The following CNTN4 variants were observed in gnomAD, a reference collection of about 807,000 sequenced individuals.
CNTN4 encodes contactin-4.
A neutral mutation model predicts 122.5 loss-of-function variants in CNTN4; 77 were observed. The ratio of observed to expected loss-of-function variants is 0.63; its 90% confidence interval spans 0.52 to 0.76. The LOEUF is 0.76. CNTN4 is among the 30% of genes least tolerant of loss of function. CNTN4 has a pLI of 0.00. For synonymous variants in CNTN4, 512 were observed against 447.0 expected (o/e 1.15, Z -1.83); for missense variants, 1,256 against 1,259.1 (o/e 1.00, Z 0.04).
intron 10 of CNTN4, among the ~76,000 whole-genome samples, chr3:2,895,615 T>C (rs1051711192): frequency 1.3e-5 from 2 of 152,220 alleles, no homozygotes; most frequent in African/African-American, 2.4e-5. Context: ...TTGTAACTTA[T>C]GTGGAGATGA....
intron 3 of CNTN4, among the ~76,000 whole-genome samples, chr3:2,538,449 G>A (rs979511466): frequency 5.9e-5 from 9 of 151,920 alleles, no homozygotes; most frequent in African/African-American, 1.7e-4. Context: ...ATATTCTTCT[G>A]TGTCAGTAAA....
chr3:2,568,589 C>G (rs1266887467), intron 3 of CNTN4, among the ~76,000 whole-genome samples: 1 of 152,154 alleles, frequency 6.6e-6, no homozygotes, highest in African/African-American at 2.4e-5. Context: ...TTCTTTCTGA[C>G]TCTGACAGAA....
intron 4 of CNTN4, among the ~76,000 whole-genome samples, chr3:2,625,393 A>G (rs188079313): frequency 3.5e-4 from 54 of 152,330 alleles, no homozygotes; most frequent in African/African-American, 1.3e-3. Flanking sequence ...AAGAATAACT[A>G]TGTAACAGAT....
intron 2 of CNTN4, among the ~76,000 whole-genome samples, chr3:2,267,095 A>C (rs1344164061): frequency 2.0e-5 from 3 of 152,118 alleles, no homozygotes; most frequent in Non-Finnish European, 4.4e-5. Context: ...ACTTCTAATG[A>C]GTGAACCTTT....
At chr3:2,549,527 C>G (rs1002146168) in intron 3 of CNTN4, among the ~76,000 whole-genome samples, 1 of 152,140 alleles carries the variant, frequency 6.6e-6, no homozygotes, top group African/African-American at 2.4e-5. Flanking sequence ...GTTGAACCAA[C>G]CTTGCATCCC....
intron 23 of CNTN4, among the ~76,000 whole-genome samples, chr3:3,047,563 T>A (rs560752626): frequency 7.0e-4 from 101 of 144,816 alleles, no homozygotes; most frequent in African/African-American, 2.4e-3. Flanking sequence ...GAAATAAAGA[T>A]GTTCTTTGAA....
intron 4 of CNTN4, among the ~76,000 whole-genome samples, chr3:2,676,306 C>T (rs1312755693): frequency 1.3e-5 from 2 of 151,990 alleles, no homozygotes; most frequent in African/African-American, 4.8e-5. Flanking sequence ...ACTGCGACCT[C>T]CGCCTCCTGG....
chr3:2,797,853 C>T (rs1301050048), intron 6 of CNTN4, among the ~76,000 whole-genome samples: 1 of 150,652 alleles, frequency 6.6e-6, no homozygotes, highest in African/African-American at 2.4e-5. Context: ...CCCTTACTCA[C>T]ATTTCTTGCT....
At chr3:2,121,089 TTCCCTCCCTTCTTCCTTCCTTCTC>T (rs567669991) in intron 2 of CNTN4, among the ~76,000 whole-genome samples, 1 of 151,450 alleles carries the variant, frequency 6.6e-6, no homozygotes, top group African/African-American at 2.4e-5. Flanking sequence ...CCTCCCTTCC[TTCCCTCCCTTCTTCCTTCCTTCTC>T]TCCCTCCCTC....
At chr3:2,328,221 C>T (rs940239439) in intron 2 of CNTN4, among the ~76,000 whole-genome samples, 4 of 151,912 alleles carry the variant, frequency 2.6e-5, no homozygotes, top group African/African-American at 7.3e-5. Context: ...CTGGCTAACA[C>T]GGTGAAACCC....
chr3:2,562,026 A>G (rs966060241), intron 3 of CNTN4, among the ~76,000 whole-genome samples: 4 of 152,162 alleles, frequency 2.6e-5, no homozygotes, highest in Admixed American at 1.3e-4. Flanking sequence ...ATTTTATTGT[A>G]ATAAGACTGT....
intron 4 of CNTN4, among the ~76,000 whole-genome samples, chr3:2,655,060 A>C (rs1456919951): frequency 6.6e-6 from 1 of 152,164 alleles, no homozygotes; most frequent in East Asian, 1.9e-4. Flanking sequence ...TGTCTCTCTA[A>C]GGTGCAGCCA....
intron 10 of CNTN4, among the ~76,000 whole-genome samples, chr3:2,893,665 GA>G (rs975795850): frequency 3.3e-5 from 5 of 151,948 alleles, no homozygotes; most frequent in Non-Finnish European, 4.4e-5. Flanking sequence ...GTTAAGCCAT[GA>G]AAAAAAGAGT....
At chr3:2,407,361 T>C (rs185338083) in intron 3 of CNTN4, among the ~76,000 whole-genome samples, 2 of 152,316 alleles carry the variant, frequency 1.3e-5, no homozygotes, top group East Asian at 3.9e-4. Context: ...GACATACTTC[T>C]AGGTTTTTAA....
intron 4 of CNTN4, among the ~76,000 whole-genome samples, chr3:2,648,364 G>A (rs947338272): frequency 2.6e-5 from 4 of 152,080 alleles, no homozygotes; most frequent in Non-Finnish European, 5.9e-5. Context: ...ACACTGCATC[G>A]AGCAAGTCTA....
intron 2 of CNTN4, among the ~76,000 whole-genome samples, chr3:2,200,375 A>G (rs936829615): frequency 1.3e-5 from 2 of 152,210 alleles, no homozygotes; most frequent in Non-Finnish European, 2.9e-5. Flanking sequence ...CAGATAAATC[A>G]CTGGTTCCCA....
At chr3:2,815,499 A>G (rs1028615139) in intron 6 of CNTN4, among the ~76,000 whole-genome samples, 4 of 152,218 alleles carry the variant, frequency 2.6e-5, no homozygotes, top group African/African-American at 9.6e-5. Flanking sequence ...AATGCTCAAC[A>G]TCACTAATGA....
chr3:2,680,111 T>C (rs1406374315), intron 4 of CNTN4, among the ~76,000 whole-genome samples: 5 of 152,222 alleles, frequency 3.3e-5, no homozygotes, highest in Admixed American at 6.5e-5. Flanking sequence ...AGTGAATCCC[T>C]GCCTTCAGCA....
rs190958849 is a variant in CNTN4, at chr3:2,325,773, C to T, written c.-144-13405C>T. Among the ~76,000 whole-genome samples, 253 of 152,226 alleles carry T rather than the reference C, an allele frequency of 1.7e-3. 3 individuals are homozygous for T. The highest frequency in any genetic ancestry group is 1.5e-3 in the East Asian group (8 of 5,192). On this transcript the variant is annotated intron_variant, in intron 2 of 24. Transcript: ENST00000418658. ...TTTATATATTTTATGTGATTTGAAA[C>T]GATTGTGATTTATATTTCATTATGT...
Sources: allele counts gnomAD v4.1 joint callset (sites outside exome capture counted in the v4.1 genomes callset), GRCh38; gene constraint gnomAD v4.1.1; transcripts MANE v1.5; gene names NCBI Gene and HGNC (gene_info 2026-07-23, HGNC 2026-07-21).